Variants in C1QBP observed in about 807,000 individuals in gnomAD.
C1QBP encodes the protein complement C1q binding protein.
A neutral mutation model predicts 29.4 loss-of-function variants in C1QBP; 24 were observed. The ratio of observed to expected loss-of-function variants is 0.82; its 90% CI spans 0.59 to 1.15. The LOEUF is 1.15. Ranked by LOEUF, C1QBP falls within the 50% of genes most tolerant of loss-of-function variation. C1QBP has a pLI of 0.00. For synonymous variants in C1QBP, 182 were observed against 149.2 expected, an observed-to-expected ratio of 1.22 and a Z score of -1.60; for missense variants, 337 against 355.8, an observed-to-expected ratio of 0.95 and a Z score of 0.43.
chr17:5,438,429 A>T, intron 1 of C1QBP, 156 bp from the exon 2 acceptor site: 2 of 952,694 alleles, frequency 2.1e-6, no homozygotes, highest in South Asian at 3.7e-5. Flanking sequence ...TAAAAATACC[A>T]TAATAGTAGT....
intron 3 of C1QBP, chr17:5,434,019 G>T: frequency 1.9e-6 from 1 of 534,614 alleles, no homozygotes; most frequent in Non-Finnish European, 3.4e-6. Flanking sequence ...CCAATTAACT[G>T]AGTTTATATC....
Position 5,438,260 on chromosome 17 carries a change from A to T in C1QBP, c.246T>A (p.Phe82Leu). The T allele has an allele frequency of 3.1e-6, 5 of 1,613,708 alleles. No homozygotes were observed. Among genetic ancestry groups the T allele is most frequent in the Non-Finnish European group, 4.2e-6 (5 of 1,179,864 alleles). The change falls in exon 2 of 6, where the codon TTT becomes TTA. Residue 82 changes from phenylalanine to leucine, a missense_variant. Phe to Leu is a conservative substitution (Grantham distance 22, BLOSUM62 0). Transcript: ENST00000225698. The stretch of plus-strand genomic sequence containing the variant: ...TAATTTCATCACTCAGGAAATCAAC[A>T]AAAGCTTTGTCTCCTAGAAAAGAAA... ...GSLHTDGDKA[F>L]VDFLSDEIKE...
intron 3 of C1QBP, chr17:5,434,063 C>T (rs961285714): frequency 7.4e-6 from 3 of 406,018 alleles, no homozygotes; most frequent in African/African-American, 2.0e-5. Context: ...TTCCTCCACC[C>T]GTACACTGCA....
intron 1 of C1QBP, 109 bp from the exon 2 acceptor site, chr17:5,438,382 C>T: frequency 1.5e-6 from 2 of 1,311,246 alleles, no homozygotes; most frequent in Non-Finnish European, 2.1e-6. Flanking sequence ...AATCTCTCTG[C>T]TATTACGGTT....
chr17:5,435,421 T>C (rs532963851), intron 2 of C1QBP, among the ~76,000 whole-genome samples: 1 of 151,728 alleles, frequency 6.6e-6, no homozygotes, highest in African/African-American at 2.4e-5. Context: ...ACTTTCCCCG[T>C]CAGAAAATTT....
rs576803401 is a variant in C1QBP at position 5,434,464 on chromosome 17, C to CTTT, written c.477+406_477+408dup. ...CTTATGCCCCTGCCATTCTCTCTCT[C>CTTT]TTTTTTTTTTTTTTTTTTTTTTGAG... On this transcript the variant is annotated intron_variant, in intron 3 of 5. Coordinates refer to ENST00000225698, the MANE Select transcript of C1QBP (RefSeq NM_001212.4). 5.4e-3 allele frequency among the ~76,000 whole-genome samples: 531 copies of CTTT among 97,842 alleles called. 16 individuals carry two copies. The highest frequency in any genetic ancestry group is 0.013 in the South Asian group (29 of 2,318). 64.2% of individuals were successfully genotyped at this position (97,842 alleles called of 152,430 possible).
chr17:5,433,352 T>G lies in C1QBP; in HGVS notation c.640A>C (p.Thr214Pro). 1 of 1,614,188 alleles carries G rather than the reference T, an allele frequency of 6.2e-7. No homozygotes were observed. The highest frequency in any genetic ancestry group is 8.5e-7 in the Non-Finnish European group (1 of 1,180,034). ...FSIREVSFQS[T>P]GESEWKDTNY... ...GTATCCTTCCATTCAGACTCGCCAG[T>G]GGACTGAAAGCTAACTTCCCTGATA... is the stretch of plus-strand genomic sequence containing the variant. The change falls in exon 5 of 6, where the codon ACT (threonine) becomes CCT (proline). Residue 214 changes from threonine (T) to proline (P), a missense_variant. Thr to Pro is a conservative substitution (Grantham distance 38). Coordinates refer to ENST00000225698, the MANE Select transcript of C1QBP (RefSeq NM_001212.4).
intron 3 of C1QBP, among the ~76,000 whole-genome samples, chr17:5,434,443 T>C (rs1380828775): frequency 2.7e-5 from 4 of 149,428 alleles, no homozygotes; most frequent in African/African-American, 4.9e-5. Context: ...AAGTCTCTTA[T>C]GCCCCTGCCA....
intron 1 of C1QBP, 50 bp downstream of exon 1, chr17:5,438,792 G>A: frequency 6.5e-7 from 1 of 1,545,864 alleles, no homozygotes; most frequent in Non-Finnish European, 8.7e-7. Flanking sequence ...CCTGGTCTAC[G>A]TTTTCCCTCT....
intron 2 of C1QBP, 37 bp downstream of exon 2, chr17:5,438,086 G>A (rs774030385): frequency 1.2e-6 from 2 of 1,604,422 alleles, no homozygotes; most frequent in African/African-American, 1.3e-5. Flanking sequence ...CAAGGTTAAG[G>A]GAGTTGCTGC....
At chr17:5,436,753 C>T (rs905593961) in intron 2 of C1QBP, among the ~76,000 whole-genome samples, 1 of 152,080 alleles carries the variant, frequency 6.6e-6, no homozygotes, top group Non-Finnish European at 1.5e-5. Flanking sequence ...GGCAGGGTGG[C>T]TCACACCTGA....
intron 3 of C1QBP, 37 bp from the exon 4 acceptor site, chr17:5,433,804 A>T: frequency 6.4e-7 from 1 of 1,559,104 alleles, no homozygotes. Flanking sequence ...CTGCTGCTGG[A>T]AGGAGATGGA....
At chr17:5,437,998 A>T in intron 2 of C1QBP, 125 bp downstream of exon 2, 1 of 1,285,854 alleles carries the variant, frequency 7.8e-7, no homozygotes, top group Non-Finnish European at 1.0e-6. Context: ...TGAATCCTTC[A>T]CTCTCTTGAA....
At chr17:5,433,828 G>A in intron 3 of C1QBP, 61 bp from the exon 4 acceptor site, 2 of 1,440,126 alleles carry the variant, frequency 1.4e-6, no homozygotes, top group Non-Finnish European at 2.0e-6. Context: ...CTGGATCAAG[G>A]ATCTCTGTTC....
chr17:5,433,140 A>C lies in C1QBP; in HGVS notation c.724T>G (p.Phe242Val). The change falls in exon 6 of 6, where the codon TTC becomes GTC. Residue 242 changes from phenylalanine to valine, a missense_variant. Coordinates refer to ENST00000225698, the MANE Select transcript of C1QBP (RefSeq NM_001212.4). ...TTGTCCACCCCTCGGTCGGCAAGGA[A>C]ATCCATTAGGTGGTCATATAAGGCC... ...DWALYDHLMD[F>V]LADRGVDNTF... 1 of 1,614,136 alleles carries C rather than the reference A, an allele frequency of 6.2e-7. No individual in the cohort carries two copies. Among genetic ancestry groups the C allele is most frequent in the Non-Finnish European group, 8.5e-7 (1 of 1,180,022 alleles).
rs185857693 is a variant in C1QBP at position 5,436,308 on chromosome 17, T to C, written c.384-1342A>G. On this transcript the variant is annotated intron_variant, in intron 2 of 5. Transcript: ENST00000225698. Reference sequence around the variant, plus strand: ...TTAGGTGAGATTACAGAAGACACAATTGACCTGTGTAGGGCAAAAACACAC... The same window carrying C: ...TTAGGTGAGATTACAGAAGACACAACTGACCTGTGTAGGGCAAAAACACAC... Among the ~76,000 whole-genome samples, 159 of 151,390 alleles carry C rather than the reference T, an allele frequency of 1.1e-3. 4 individuals are homozygous for C. The highest frequency in any genetic ancestry group is 3.6e-3 in the African/African-American group (146 of 40,758).
rs1004699125 is a variant in C1QBP at position 5,439,078 on chromosome 17, G to A, written c.-5C>T. On this transcript the variant is annotated 5_prime_UTR_variant, in exon 1 of 6. Transcript: ENST00000225698. ...GCAGCGCAGCAGAGGCAGCATCGCG[G>A]AAACGACTGCGAACACGTGCAGATG... 53 of 1,540,172 alleles carry A rather than the reference G, an allele frequency of 3.4e-5. No individual in the cohort carries two copies. The highest frequency in any genetic ancestry group is 4.3e-5 in the Non-Finnish European group (49 of 1,143,188).
chr17:5,433,017 A>G lies in C1QBP; in HGVS notation c.847T>C (p.Ter283GlnextTer22). Reference sequence around the variant, plus strand: ...ATGGCTTTCAGCATCTGTCTGCTCTACTGGCTCTTGACAAAACTCTTGAGG... The same window carrying G: ...ATGGCTTTCAGCATCTGTCTGCTCTGCTGGCTCTTGACAAAACTCTTGAGG... The part of the protein sequence containing the change: ...EDLKSFVKSQ[*>Q] Residue 283 changes from the stop codon to glutamine, a stop_lost, in exon 6 of 6, where the codon TAG becomes CAG. Transcript: ENST00000225698. 1 of 1,612,184 alleles carries G rather than the reference A, an allele frequency of 6.2e-7. No homozygotes were observed. Among genetic ancestry groups the G allele is most frequent in the Non-Finnish European group, 8.5e-7 (1 of 1,179,458 alleles).
At position 5,434,514 on chromosome 17, in the gene C1QBP, C is replaced by G. The variant is rs1282601074; in HGVS notation, c.477+359G>C. Among the ~76,000 whole-genome samples the G allele has an allele frequency of 5.8e-5, 8 of 138,872 alleles. No homozygotes were observed. The Admixed American group carries it at 6.1e-4, about 11-fold the overall frequency. The allele number at this position is 138,872 out of a possible 152,430, so 91.1% of individuals were successfully genotyped here. On this transcript the variant is annotated intron_variant, in intron 3 of 5. Coordinates refer to ENST00000225698, the MANE Select transcript of C1QBP (RefSeq NM_001212.4). ...GACAGAGTCTTGCTCTGTCGCCAGG[C>G]TGGAGTGCAGTGGTGTGATCTTGGC...
Sources: gnomAD v4.1 joint callset for allele counts (sites outside exome capture counted in the v4.1 genomes callset) on GRCh38, gnomAD v4.1.1 for gene constraint, MANE v1.5 for transcripts, NCBI Gene and HGNC (gene_info 2026-07-23, HGNC 2026-07-21) for gene names.